Variants in METAP1D observed in about 807,000 individuals in gnomAD.
The protein encoded by METAP1D is methionyl aminopeptidase type 1D, mitochondrial, also known as methionine aminopeptidase 1D, mitochondrial.
METAP1D carries 31 observed loss-of-function variants against 40.5 expected under a neutral mutation model. The observed-to-expected ratio is 0.77, with a 90% confidence interval of 0.58 to 1.03. The LOEUF is 1.03. Ranked by LOEUF, METAP1D falls within the 50% of genes least tolerant of loss-of-function variation. The pLI is 0.00. For synonymous variants in METAP1D, 151 were observed against 146.4 expected (o/e 1.03, Z -0.22); for missense variants, 411 against 420.7 (o/e 0.98, Z 0.20).
At chr2:172,055,932 A>T (rs917505267) in intron 1 of METAP1D, among the ~76,000 whole-genome samples, 6 of 152,136 alleles carry the variant, frequency 3.9e-5, no homozygotes, top group African/African-American at 9.7e-5. Context: ...CAGGACAGGT[A>T]CCTTGGCAAC....
chr2:172,058,529 C>T (rs1307194023), intron 1 of METAP1D, among the ~76,000 whole-genome samples: 1 of 145,148 alleles, frequency 6.9e-6, no homozygotes, highest in Non-Finnish European at 1.5e-5. Context: ...ACAATACATA[C>T]CTGCCTCTAT....
In METAP1D at chr2:172,028,534, ATGTGTGTCTGTGTGTGTGTGTG is replaced by A. The variant is rs1458851254; in HGVS notation, c.40+28533_40+28554del. On this transcript the variant is annotated intron_variant, in intron 1 of 9. Coordinates refer to ENST00000315796, the MANE Select transcript of METAP1D (RefSeq NM_199227.3). ...TTCCTACACATGAGCAGACTTCTGTATGTGTGTCTGTGTGTGTGTGTGTGTGTGTGTGTGTGTGTGTGTGTGT... is the reference window on the plus strand; with the variant it reads ...TTCCTACACATGAGCAGACTTCTGTATGTGTGTGTGTGTGTGTGTGTGTGT... 2.4e-5 allele frequency among the ~76,000 whole-genome samples: 3 copies of A among 124,450 alleles called. No homozygotes were observed. In the East Asian group the frequency reaches 6.7e-4, roughly 28 times the overall value. The allele number at this position is 124,450 out of a possible 152,430, so 81.6% of individuals were successfully genotyped here.
chr2:172,067,070 T>A (rs1690301823), intron 5 of METAP1D, among the ~76,000 whole-genome samples: 2 of 152,246 alleles, frequency 1.3e-5, no homozygotes, highest in Non-Finnish European at 2.9e-5. Flanking sequence ...AGACTTGGAT[T>A]ATATGTGCTT....
chr2:172,016,716 C>A (rs374435821), intron 1 of METAP1D, among the ~76,000 whole-genome samples: 2 of 151,882 alleles, frequency 1.3e-5, no homozygotes, highest in East Asian at 3.9e-4. Context: ...AAAATCTTTT[C>A]TTGGCTTCTC....
Position 172,080,647 on chromosome 2 carries a change from G to C in METAP1D, c.*241G>C, listed in dbSNP as rs1690683470. 1.7e-6 allele frequency: 1 copy of C among 598,552 alleles called. No homozygotes were observed. Among genetic ancestry groups the C allele is most frequent in the Admixed American group, 2.9e-5 (1 of 33,906 alleles). 37.1% of individuals were successfully genotyped at this position (598,552 alleles called of 1,614,324 possible). A position where few individuals can be genotyped will look rare whatever the true frequency, so the allele number is the denominator to read the frequency against. On this transcript the variant is annotated 3_prime_UTR_variant, in exon 10 of 10. Transcript: ENST00000315796. ...CTGGCCCTGGACTCGGTTTCCCAGC[G>C]CGGTCAACGCATCTGGAGGGGACTG...
chr2:172,063,949 T>A (rs1165711272), intron 3 of METAP1D, 89 bp downstream of exon 3: 1 of 1,358,896 alleles, frequency 7.4e-7, no homozygotes, highest in Non-Finnish European at 9.6e-7. Context: ...TCTTTTAGGT[T>A]GACATCTAAT....
intron 1 of METAP1D, among the ~76,000 whole-genome samples, chr2:172,035,368 A>G (rs1054369076): frequency 1.3e-5 from 2 of 151,948 alleles, no homozygotes; most frequent in Admixed American, 6.6e-5. Context: ...GTTTCACCGT[A>G]TTAGCCAGGA....
chr2:172,012,330 C>T (rs1270785304), intron 1 of METAP1D, among the ~76,000 whole-genome samples: 3 of 152,156 alleles, frequency 2.0e-5, no homozygotes, highest in Admixed American at 6.5e-5. Flanking sequence ...ATCGCCCGAG[C>T]GCAGGGGCAC....
At chr2:172,060,042 C>T (rs1204073117) in intron 1 of METAP1D, among the ~76,000 whole-genome samples, 1 of 151,782 alleles carries the variant, frequency 6.6e-6, no homozygotes, top group African/African-American at 2.4e-5. Context: ...CTGAGTGAGA[C>T]TCCGTCTCAA....
intron 1 of METAP1D, among the ~76,000 whole-genome samples, chr2:172,033,129 AAT>A (rs1437486691): frequency 1.3e-5 from 2 of 152,098 alleles, no homozygotes; most frequent in Non-Finnish European, 2.9e-5. Context: ...CCCTAGATTT[AAT>A]ATGTCTACAG....
chr2:172,041,899 C>T (rs12470411), intron 1 of METAP1D, among the ~76,000 whole-genome samples: 2 of 118,662 alleles, frequency 1.7e-5, no homozygotes, highest in East Asian at 4.1e-4. Context: ...CTCCCACATT[C>T]AAGCAATTCT....
chr2:172,026,803 C>T (rs763583054), intron 1 of METAP1D, among the ~76,000 whole-genome samples: 1 of 152,100 alleles, frequency 6.6e-6, no homozygotes, highest in Non-Finnish European at 1.5e-5. Flanking sequence ...GGTAAGTTGA[C>T]GAGGTGCAAG....
chr2:172,056,276 A>G (rs1559014127), intron 1 of METAP1D, among the ~76,000 whole-genome samples: 1 of 152,218 alleles, frequency 6.6e-6, no homozygotes, highest in African/African-American at 2.4e-5. Context: ...GAGCTTCTGC[A>G]TCTCACAGGG....
rs572720262 is a variant in METAP1D at position 172,063,792 on chromosome 2, A to G, written c.280A>G (p.Ile94Val). The G allele has an allele frequency of 6.2e-7, 1 of 1,614,130 alleles. No individual in the cohort carries two copies. Among genetic ancestry groups the G allele is most frequent in the Non-Finnish European group, 8.5e-7 (1 of 1,180,012 alleles). ...CATAGAAGTTAAGAATGAAGATCAG[A>G]TTCAAGGGCTTCATCAGGCTTGTCA... Reference protein sequence around the residue: ...DSIEVKNEDQIQGLHQACQLA... With the variant: ...DSIEVKNEDQVQGLHQACQLA... Residue 94 changes from isoleucine to valine, a missense_variant, in exon 3 of 10, where the codon ATT becomes GTT. By Grantham distance (29) the Ile-to-Val change is conservative. Coordinates refer to ENST00000315796, the MANE Select transcript of METAP1D (RefSeq NM_199227.3).
chr2:172,080,471 G>T lies in METAP1D; in HGVS notation c.*65G>T, dbSNP rs1690678751. On this transcript the variant is annotated 3_prime_UTR_variant, in exon 10 of 10. Coordinates refer to ENST00000315796, the MANE Select transcript of METAP1D (RefSeq NM_199227.3). ...AATAAATTGCTGAAATTTGGCTGGA[G>T]AACTTTTAGAAGAAACAGGGAAATG... The T allele has an allele frequency of 1.3e-6, 2 of 1,541,946 alleles. No individual in the cohort carries two copies. Among genetic ancestry groups the T allele is most frequent in the Non-Finnish European group, 9.0e-7 (1 of 1,116,432 alleles).
chr2:172,007,828 T>A (rs991241241), intron 1 of METAP1D, among the ~76,000 whole-genome samples: 1 of 152,124 alleles, frequency 6.6e-6, no homozygotes, highest in African/African-American at 2.4e-5. Context: ...TAGCTGAGAT[T>A]ACAGGCGCAT....
At position 172,079,266 on chromosome 2, in the gene METAP1D, A is replaced by G; in HGVS notation, c.850+4A>G. The G allele has an allele frequency of 6.2e-7, 1 of 1,614,116 alleles. No homozygotes were observed. Among genetic ancestry groups the G allele is most frequent in the Non-Finnish European group, 8.5e-7 (1 of 1,179,996 alleles). ...GAGGGCATGGCATTCACTATAGGTA[A>G]ATTGAGCTCCTCTTCCGAGTGAGTG... On this transcript the variant is annotated splice_donor_region_variant and intron_variant, in intron 8 of 9. Coordinates refer to ENST00000315796, the MANE Select transcript of METAP1D (RefSeq NM_199227.3).
At chr2:172,068,122 G>A (rs535562281) in intron 5 of METAP1D, among the ~76,000 whole-genome samples, 2 of 152,188 alleles carry the variant, frequency 1.3e-5, no homozygotes, top group Non-Finnish European at 2.9e-5. Context: ...AGTGGCTCAT[G>A]CCTGAAATCC....
chr2:172,081,622 C>T lies in METAP1D; in HGVS notation c.*1216C>T, dbSNP rs1178644687. The T allele has an allele frequency of 6.6e-6, 1 of 152,302 alleles. No homozygotes were observed. Among genetic ancestry groups the T allele is most frequent in the Non-Finnish European group, 1.5e-5 (1 of 68,104 alleles). The allele number at this position is 152,302 out of a possible 1,614,324, so 9.4% of individuals were successfully genotyped here. On this transcript the variant is annotated 3_prime_UTR_variant, in exon 10 of 10. Transcript: ENST00000315796. ...TCAAGGGCAGGGAGAGGCCGGGCCT[C>T]TGGCAGTCCACGAAGGAAGCCGTCT...
Sources: gnomAD v4.1 joint callset for allele counts (sites outside exome capture counted in the v4.1 genomes callset) on GRCh38, gnomAD v4.1.1 for gene constraint, MANE v1.5 for transcripts, NCBI Gene and HGNC (gene_info 2026-07-23, HGNC 2026-07-21) for gene names.